CERS6: variants seen among roughly 807,000 people sequenced by gnomAD.
CERS6 encodes ceramide synthase 6.
In CERS6, 26 loss-of-function variants were observed where a neutral mutation model predicts 56.8. The observed-to-expected ratio is 0.46, with a 90% CI of 0.34 to 0.63. The LOEUF (loss-of-function observed/expected upper bound fraction) is 0.63, where lower values mean the gene tolerates loss of function less well. Among genes scored for constraint, CERS6 ranks in the 30% least tolerant of loss-of-function variants. The pLI, the probability that CERS6 is intolerant of heterozygous loss-of-function variation, is 0.01. For missense variants in CERS6, 415 were observed against 467.5 expected, an observed-to-expected ratio of 0.89 and a Z score of 1.04; for synonymous variants, 164 against 173.3, an observed-to-expected ratio of 0.95 and a Z score of 0.42.
intron 3 of CERS6, among the ~76,000 whole-genome samples, chr2:168,580,155 G>C (rs1411346449): frequency 6.6e-6 from 1 of 152,084 alleles, no homozygotes; most frequent in African/African-American, 2.4e-5. Context: ...AACATATGGT[G>C]GGATTTTGTT....
intron 8 of CERS6, among the ~76,000 whole-genome samples, chr2:168,751,786 C>T (rs1684274837): frequency 1.3e-5 from 2 of 152,190 alleles, no homozygotes; most frequent in Admixed American, 1.3e-4. Context: ...GAAAGACCTT[C>T]CACAAAATTA....
At chr2:168,464,656 T>C (rs1384943115) in intron 1 of CERS6, among the ~76,000 whole-genome samples, 1 of 150,972 alleles carries the variant, frequency 6.6e-6, no homozygotes, top group Non-Finnish European at 1.5e-5. Context: ...GGCATCAAGA[T>C]TGAATGGGTC....
chr2:168,710,963 A>G (rs1008862968), intron 6 of CERS6, among the ~76,000 whole-genome samples: 3 of 152,324 alleles, frequency 2.0e-5, no homozygotes, highest in Non-Finnish European at 4.4e-5. Flanking sequence ...CTGTTGGAAG[A>G]CGCATGTTTC....
intron 8 of CERS6, 106 bp downstream of exon 8, chr2:168,718,084 T>A: frequency 1.3e-6 from 1 of 747,000 alleles, no homozygotes; most frequent in Non-Finnish European, 2.2e-6. Flanking sequence ...TTTAAATATA[T>A]TGGGGGGGAG....
chr2:168,684,847 G>T (rs771505953), intron 4 of CERS6, among the ~76,000 whole-genome samples: 21 of 152,196 alleles, frequency 1.4e-4, no homozygotes, highest in Non-Finnish European at 2.4e-4. Context: ...AAAATGTCCT[G>T]TGGAACTTAG....
chr2:168,467,171 G>C (rs954360302), intron 1 of CERS6, among the ~76,000 whole-genome samples: 3 of 152,212 alleles, frequency 2.0e-5, no homozygotes, highest in African/African-American at 2.4e-5. Flanking sequence ...AGTTAAGAGT[G>C]GGGGAGGGTG....
chr2:168,479,474 T>A (rs1159840816), intron 1 of CERS6, among the ~76,000 whole-genome samples: 1 of 152,210 alleles, frequency 6.6e-6, no homozygotes, highest in East Asian at 1.9e-4. Context: ...TTTCTTTCTA[T>A]CTTTTGGGAA....
Position 168,456,386 on chromosome 2 carries a change from G to A in CERS6, c.-63G>A, listed in dbSNP as rs532230770. 2.9e-6 allele frequency: 4 copies of A among 1,370,146 alleles called. No individual in the cohort carries two copies. In the African/African-American group the frequency reaches 6.0e-5, roughly 20 times the overall value. The allele number at this position is 1,370,146 out of a possible 1,614,324, so 84.9% of individuals were successfully genotyped here. On this transcript the variant is annotated 5_prime_UTR_variant, in exon 1 of 10. Transcript: ENST00000305747. This position sits in a 1 kb window ranked among gnomAD's most constrained non-coding sequence, Gnocchi z 4.1. ...GCCAGCCGGGCGCGCATCCCCGGGC[G>A]CCCTGCGCGGTGGAGAGCTTGGCGG...
chr2:168,689,097 G>A (rs1459691058), intron 4 of CERS6, among the ~76,000 whole-genome samples: 4 of 152,132 alleles, frequency 2.6e-5, no homozygotes, highest in Non-Finnish European at 5.9e-5. Context: ...ATGGTCTTGG[G>A]ACTGATAAAT....
intron 8 of CERS6, among the ~76,000 whole-genome samples, chr2:168,725,101 G>C (rs924123277): frequency 6.6e-6 from 1 of 152,246 alleles, no homozygotes; most frequent in African/African-American, 2.4e-5. Context: ...GGCTGGCACT[G>C]CTGGGAGACC....
intron 3 of CERS6, among the ~76,000 whole-genome samples, chr2:168,603,881 T>C (rs1182538606): frequency 2.0e-5 from 3 of 152,238 alleles, no homozygotes; most frequent in African/African-American, 7.2e-5. Context: ...GTTTGTGGGC[T>C]GATTATGTTC....
At chr2:168,709,184 G>C (rs1687029932) in intron 6 of CERS6, among the ~76,000 whole-genome samples, 1 of 152,056 alleles carries the variant, frequency 6.6e-6, no homozygotes, top group African/African-American at 2.4e-5. Flanking sequence ...CTAACAGTTG[G>C]GGATGGAGCC....
chr2:168,691,372 C>T (rs1197867923), intron 5 of CERS6, among the ~76,000 whole-genome samples: 1 of 152,178 alleles, frequency 6.6e-6, no homozygotes, highest in Non-Finnish European at 1.5e-5. Flanking sequence ...CTGCTCCTAA[C>T]AGCTGATCTG....
At chr2:168,602,401 C>A (rs1683955287) in intron 3 of CERS6, among the ~76,000 whole-genome samples, 1 of 151,878 alleles carries the variant, frequency 6.6e-6, no homozygotes. Flanking sequence ...TGATGTTGGC[C>A]CATTGATAGA....
chr2:168,580,221 T>C (rs1366255811), intron 3 of CERS6, among the ~76,000 whole-genome samples: 1 of 152,252 alleles, frequency 6.6e-6, no homozygotes, highest in East Asian at 1.9e-4. Context: ...TCATATGTGC[T>C]TAATATAATC....
chr2:168,561,721 C>T (rs931918713), intron 3 of CERS6, among the ~76,000 whole-genome samples: 2 of 152,034 alleles, frequency 1.3e-5, no homozygotes, highest in South Asian at 2.1e-4. Flanking sequence ...ATCAGAGGGT[C>T]GTGACAATCT....
At chr2:168,761,775 G>C (rs1253430251) in intron 8 of CERS6, among the ~76,000 whole-genome samples, 1 of 152,034 alleles carries the variant, frequency 6.6e-6, no homozygotes, top group Non-Finnish European at 1.5e-5. Context: ...TGTCCCCCTG[G>C]CCTGCAAACT....
chr2:168,630,598 G>C (rs939089356), intron 3 of CERS6, among the ~76,000 whole-genome samples: 1 of 152,044 alleles, frequency 6.6e-6, no homozygotes, highest in African/African-American at 2.4e-5. Flanking sequence ...AAACAAATAT[G>C]AACTTCAGTT....
intron 8 of CERS6, among the ~76,000 whole-genome samples, chr2:168,763,140 G>C (rs1427598831): frequency 2.0e-5 from 3 of 151,878 alleles, no homozygotes; most frequent in Non-Finnish European, 4.4e-5. Context: ...CCCCCCCAAA[G>C]TGCTGGGATT....
Sources: allele counts gnomAD v4.1 joint callset (sites outside exome capture counted in the v4.1 genomes callset), GRCh38; gene constraint gnomAD v4.1.1; non-coding constraint Gnocchi (gnomAD v3.1); transcripts MANE v1.5; gene names NCBI Gene and HGNC (gene_info 2026-07-23, HGNC 2026-07-21).